EXOC4: variants seen among roughly 807,000 people sequenced by gnomAD.
EXOC4 encodes the protein SEC8-like 1.
Under a neutral mutation model 107.2 loss-of-function variants are expected in EXOC4, and 71 were observed. The ratio of observed to expected loss-of-function variants is 0.66; its 90% confidence interval spans 0.55 to 0.81. The LOEUF is 0.81. Among genes scored for constraint, EXOC4 ranks in the 30% least tolerant of loss-of-function variants. EXOC4 has a pLI of 0.00. For missense variants in EXOC4, 1,108 were observed against 1,189.6 expected, an observed-to-expected ratio of 0.93 and a Z score of 1.01; for synonymous variants, 456 against 441.2, an observed-to-expected ratio of 1.03 and a Z score of -0.42.
chr7:133,588,883 AGT>A (rs35751574), intron 9 of EXOC4, among the ~76,000 whole-genome samples: 1 of 151,418 alleles, frequency 6.6e-6, no homozygotes, highest in Non-Finnish European at 1.5e-5. Context: ...GTCTCAAAAA[AGT>A]GTGTGTGTGT....
At chr7:133,322,233 A>C (rs1003340846) in intron 5 of EXOC4, among the ~76,000 whole-genome samples, 1 of 151,946 alleles carries the variant, frequency 6.6e-6, no homozygotes, top group Admixed American at 6.5e-5. Context: ...ATTAGATCCC[A>C]TTTGTCAATT....
chr7:133,651,846 G>A (rs1803162543), intron 10 of EXOC4, among the ~76,000 whole-genome samples: 1 of 151,960 alleles, frequency 6.6e-6, no homozygotes, highest in Non-Finnish European at 1.5e-5. Context: ...GACCACACCT[G>A]GCTAATTTTT....
At chr7:133,847,185 A>G (rs1251020343) in intron 11 of EXOC4, among the ~76,000 whole-genome samples, 4 of 152,132 alleles carry the variant, frequency 2.6e-5, no homozygotes, top group Non-Finnish European at 5.9e-5. Flanking sequence ...CTATTTTGCC[A>G]TATATAATAC....
At chr7:133,735,099 G>T (rs530567453) in intron 10 of EXOC4, among the ~76,000 whole-genome samples, 3 of 148,780 alleles carry the variant, frequency 2.0e-5, no homozygotes, top group African/African-American at 7.4e-5. Flanking sequence ...GATGGTGTGT[G>T]CCTGTAATCC....
chr7:133,965,281 C>T (rs981658729), intron 14 of EXOC4, among the ~76,000 whole-genome samples: 2 of 152,150 alleles, frequency 1.3e-5, no homozygotes, highest in African/African-American at 4.8e-5. Flanking sequence ...CTGTAGGTTG[C>T]CTGTTCACTC....
At chr7:133,907,375 T>TA (rs34767758) in intron 12 of EXOC4, among the ~76,000 whole-genome samples, 70,354 of 151,722 alleles carry the variant, frequency 0.46, 17,558 homozygotes, top group African/African-American at 0.65. Flanking sequence ...TGTCTTTCTT[T>TA]AAAAAAAATA....
At chr7:133,644,697 T>G (rs1245455942) in intron 10 of EXOC4, among the ~76,000 whole-genome samples, 1 of 152,138 alleles carries the variant, frequency 6.6e-6, no homozygotes, top group African/African-American at 2.4e-5. Context: ...TTTTCTGCAC[T>G]TTGTTGGATC....
At position 133,745,417 on chromosome 7, in the gene EXOC4, C is replaced by T. The variant is rs191086906; in HGVS notation, c.1515-71908C>T. Among the ~76,000 whole-genome samples the T allele has an allele frequency of 5.9e-5, 9 of 152,180 alleles. No individual in the cohort carries two copies. In the East Asian group the frequency reaches 1.3e-3, roughly 23 times the overall value. On this transcript the variant is annotated intron_variant, in intron 10 of 17. Coordinates refer to ENST00000253861, the MANE Select transcript of EXOC4 (RefSeq NM_021807.4). ...TATAAAATGAGAATTATAGAAGTAT[C>T]TATCTTCTAGCATTGTTATCAATAT...
At chr7:134,060,228 G>T (rs1445604083) in intron 17 of EXOC4, among the ~76,000 whole-genome samples, 1 of 152,166 alleles carries the variant, frequency 6.6e-6, no homozygotes. Context: ...GGGAACTGCT[G>T]CAAAAAGGCA....
chr7:133,846,592 A>G (rs1007005736), intron 11 of EXOC4, among the ~76,000 whole-genome samples: 2 of 152,260 alleles, frequency 1.3e-5, no homozygotes, highest in Non-Finnish European at 2.9e-5. Flanking sequence ...ATTCAGGACC[A>G]TTCAACTAAG....
At chr7:133,607,598 T>C (rs1365792853) in intron 9 of EXOC4, among the ~76,000 whole-genome samples, 2 of 152,146 alleles carry the variant, frequency 1.3e-5, no homozygotes, top group Middle Eastern at 3.2e-3. Context: ...GCCTTCAAGA[T>C]CTCTACAGAG....
At chr7:133,775,574 C>T (rs1020157767) in intron 10 of EXOC4, among the ~76,000 whole-genome samples, 1 of 152,192 alleles carries the variant, frequency 6.6e-6, no homozygotes, top group Non-Finnish European at 1.5e-5. Context: ...ATGTCTATAA[C>T]TATACTAAGG....
chr7:133,632,177 A>G (rs1169502007), intron 10 of EXOC4, among the ~76,000 whole-genome samples: 4 of 152,288 alleles, frequency 2.6e-5, no homozygotes, highest in South Asian at 2.1e-4. Flanking sequence ...CTTGACAGCT[A>G]CTTGTTAAGT....
At chr7:133,448,241 C>T (rs1351891590) in intron 7 of EXOC4, among the ~76,000 whole-genome samples, 1 of 152,114 alleles carries the variant, frequency 6.6e-6, no homozygotes, top group East Asian at 1.9e-4. Flanking sequence ...GGAAACCCCA[C>T]CAGTCCTATA....
chr7:133,820,774 C>G (rs1194293041), intron 11 of EXOC4, among the ~76,000 whole-genome samples: 1 of 152,210 alleles, frequency 6.6e-6, no homozygotes, highest in African/African-American at 2.4e-5. Context: ...GGTGGGAGGA[C>G]AGCTGTCTCA....
chr7:133,569,720 A>C (rs1304735804), intron 9 of EXOC4, among the ~76,000 whole-genome samples: 1 of 152,176 alleles, frequency 6.6e-6, no homozygotes, highest in African/African-American at 2.4e-5. Flanking sequence ...AGTATAAAAT[A>C]TTTAACTATC....
intron 10 of EXOC4, among the ~76,000 whole-genome samples, chr7:133,658,628 A>G (rs1399175354): frequency 6.6e-6 from 1 of 152,206 alleles, no homozygotes; most frequent in East Asian, 1.9e-4. Flanking sequence ...CCTCTTCTAC[A>G]GATTTATTAT....
Position 134,009,053 on chromosome 7 carries a change from CTT to C in EXOC4, c.2687+1220_2687+1221del, listed in dbSNP as rs565887364. Among the ~76,000 whole-genome samples the C allele has an allele frequency of 7.0e-4, 106 of 152,246 alleles. 2 individuals are homozygous for C. Among genetic ancestry groups the C allele is most frequent in the African/African-American group, 1.9e-3 (77 of 41,550 alleles). ...TAATTAGAATATCAAACCTTTGGTG[CTT>C]TAATAAAAGCTTAAGCAATTTGAAG... On this transcript the variant is annotated intron_variant, in intron 17 of 17. Transcript: ENST00000253861.
At chr7:133,686,196 G>C (rs1794295321) in intron 10 of EXOC4, among the ~76,000 whole-genome samples, 2 of 152,058 alleles carry the variant, frequency 1.3e-5, no homozygotes. Flanking sequence ...ACCAGATGTA[G>C]CCCCTTGACC....
Sources: gnomAD v4.1 joint callset for allele counts (sites outside exome capture counted in the v4.1 genomes callset) on GRCh38, gnomAD v4.1.1 for gene constraint, MANE v1.5 for transcripts, NCBI Gene and HGNC (gene_info 2026-07-23, HGNC 2026-07-21) for gene names.